Variants in CRB2 observed in about 807,000 individuals in gnomAD.
The protein encoded by CRB2 is protein crumbs homolog 2.
Under a neutral mutation model 110.9 loss-of-function variants are expected in CRB2, and 85 were observed. The ratio of observed to expected loss-of-function variants is 0.77; its 90% CI spans 0.64 to 0.92. The LOEUF (loss-of-function observed/expected upper bound fraction) is 0.92, where lower values mean the gene tolerates loss of function less well. Among genes scored for constraint, CRB2 ranks in the 40% least tolerant of loss-of-function variants. The pLI, the probability that CRB2 is intolerant of heterozygous loss-of-function variation, is 0.00. For missense variants in CRB2, 1,843 were observed against 1,851.3 expected (o/e 1.00, Z 0.08); for synonymous variants, 907 against 831.0 (o/e 1.09, Z -1.57).
In CRB2 at chr9:123,373,781, C is replaced by A; in HGVS notation, c.3250C>A (p.Pro1084Thr). Residue 1084 changes from proline to threonine, a missense_variant, in exon 10 of 13, where the codon CCG becomes ACG. By Grantham distance (38) the Pro-to-Thr change is conservative. Transcript: ENST00000373631. ...CGACGCCTTTGCCTGCGCCTGCGGC[C>A]CGGGGTGGGAAGGCCCGCGCTGCGA... is the stretch of plus-strand genomic sequence containing the variant. ...LFDAFACACG[P>T]GWEGPRCEAH... 1 of 1,590,952 alleles carries A rather than the reference C, an allele frequency of 6.3e-7. No homozygotes were observed. Among genetic ancestry groups the A allele is most frequent in the Admixed American group, 1.7e-5 (1 of 59,488 alleles).
chr9:123,371,459 G>A lies in CRB2; in HGVS notation c.2317G>A (p.Asp773Asn), dbSNP rs1043719019. 8 of 1,612,980 alleles carry A rather than the reference G, an allele frequency of 5.0e-6. No homozygotes were observed. Among genetic ancestry groups the A allele is most frequent in the South Asian group, 2.2e-5 (2 of 91,086 alleles). Residue 773 changes from aspartate to asparagine, a missense_variant, in exon 8 of 13, where the codon GAT (aspartate) becomes AAT (asparagine). By Grantham distance (23) the Asp-to-Asn change is conservative. Coordinates refer to ENST00000373631, the MANE Select transcript of CRB2 (RefSeq NM_173689.7). ...AGGCTGCCTCCAGGACCTGCGACTCGATGGCTGCCACCTCCCCTTCTTTCC... is the reference window on the plus strand; with the variant it reads ...AGGCTGCCTCCAGGACCTGCGACTCAATGGCTGCCACCTCCCCTTCTTTCC... ...FRGCLQDLRL[D>N]GCHLPFFPLP...
intron 1 of CRB2, among the ~76,000 whole-genome samples, chr9:123,360,280 G>A (rs2041852627): frequency 1.3e-5 from 2 of 152,142 alleles, no homozygotes; most frequent in African/African-American, 4.8e-5. Context: ...GCAGGTCGAA[G>A]GGGAGGGGCG....
chr9:123,380,300 AAG>A (rs998755133), downstream of CRB2: 7 of 152,682 alleles, frequency 4.6e-5, no homozygotes, highest in African/African-American at 1.4e-4. Context: ...AAAAAGGAAA[AAG>A]AAAGATAATA....
intron 12 of CRB2, 101 bp from the exon 13 acceptor site, chr9:123,376,737 T>A: frequency 4.4e-6 from 5 of 1,146,932 alleles, no homozygotes; most frequent in Non-Finnish European, 6.1e-6. Context: ...CAGCTCTGAT[T>A]TTCTCTGAGT....
At chr9:123,355,917 C>G (rs1258585392), upstream of CRB2, among the ~76,000 whole-genome samples, 3 of 151,952 alleles carry the variant, frequency 2.0e-5, no homozygotes, top group Non-Finnish European at 2.9e-5. Context: ...GAGTCCTGAA[C>G]AGCCCCCTCT....
Position 123,367,222 on chromosome 9 carries a change from C to T in CRB2, c.805C>T (p.Pro269Ser), listed in dbSNP as rs748154967. The T allele has an allele frequency of 7.5e-6, 12 of 1,600,776 alleles. No homozygotes were observed. The highest frequency in any genetic ancestry group is 2.2e-5 in the South Asian group (2 of 90,376). Residue 269 changes from proline to serine, a missense_variant, in exon 5 of 13, where the codon CCC becomes TCC. Physicochemically the swap from Pro to Ser is moderately conservative, Grantham distance 74 (BLOSUM62 -1). Transcript: ENST00000373631. ...EVDEDECASS[P>S]CQHGGRCLQR... ...GGACGAGGACGAGTGTGCATCGAGC[C>T]CCTGCCAGCATGGGGGCCGATGCCT...
intron 1 of CRB2, among the ~76,000 whole-genome samples, chr9:123,361,139 G>C (rs28678030): frequency 1.4e-4 from 15 of 110,834 alleles, no homozygotes; most frequent in East Asian, 1.1e-3. Flanking sequence ...GGGCGGGGAG[G>C]GGGGGGGGTT....
At chr9:123,379,433 G>T (rs956710078), downstream of CRB2, among the ~76,000 whole-genome samples, 1 of 152,208 alleles carries the variant, frequency 6.6e-6, no homozygotes, top group Non-Finnish European at 1.5e-5. Flanking sequence ...GGCTGAGCAG[G>T]CCTGTTGCCA....
At position 123,371,314 on chromosome 9, in the gene CRB2, G is replaced by C; in HGVS notation, c.2172G>C (p.Gly724=). ...TGCTCCCTGGGCGCTGGGATGATGG[G>C]CTCCGTCACCTGGTGATGCTCAGCT... ...AVVLPGRWDD[G]LRHLVMLSFG... The change falls in exon 8 of 13, where the codon GGG becomes GGC. Residue 724 remains glycine (G), a synonymous_variant. Coordinates refer to ENST00000373631, the MANE Select transcript of CRB2 (RefSeq NM_173689.7). 1 of 1,611,218 alleles carries C rather than the reference G, an allele frequency of 6.2e-7. No individual in the cohort carries two copies. Among genetic ancestry groups the C allele is most frequent in the South Asian group, 1.1e-5 (1 of 90,786 alleles).
At chr9:123,372,423 T>G in intron 9 of CRB2, 81 bp downstream of exon 9, 1 of 1,490,882 alleles carries the variant, frequency 6.7e-7, no homozygotes, top group Non-Finnish European at 9.0e-7. Context: ...TCTCAGGGCT[T>G]GTAGGATACT....
In CRB2 at chr9:123,373,198, A is replaced by T; in HGVS notation, c.2667A>T (p.Ser889=). 1 of 1,514,018 alleles carries T rather than the reference A, an allele frequency of 6.6e-7. No homozygotes were observed. Among genetic ancestry groups the T allele is most frequent in the Non-Finnish European group, 8.8e-7 (1 of 1,137,670 alleles). 93.8% of individuals were successfully genotyped at this position (1,514,018 alleles called of 1,614,324 possible). ...CGTTCAGCGGGCACAACGCGTCGTC[A>T]GGGCGCTTGCTCGGCGGCCTGTCGC... ...PAAFSGHNAS[S]GRLLGGLSLA... is the part of the protein sequence containing the mutation. Residue 889 remains serine (S), a synonymous_variant, in exon 10 of 13, where the codon TCA becomes TCT. Coordinates refer to ENST00000373631, the MANE Select transcript of CRB2 (RefSeq NM_173689.7).
Position 123,372,457 on chromosome 9 carries a change from T to C in CRB2, c.2602+115T>C, listed in dbSNP as rs1227979164. The C allele has an allele frequency of 2.2e-6, 3 of 1,368,238 alleles. No homozygotes were observed. In the East Asian group the frequency reaches 7.2e-5, roughly 33 times the overall value. The allele number at this position is 1,368,238 out of a possible 1,614,324, so 84.8% of individuals were successfully genotyped here. A position where few individuals can be genotyped will look rare whatever the true frequency, so the allele number is the denominator to read the frequency against. ...CTGGTGGACCAGGCATGCCAAGCCCTAGGGCAGTGTGGCGGGGCCACCGCA... is the reference window on the plus strand; with the variant it reads ...CTGGTGGACCAGGCATGCCAAGCCCCAGGGCAGTGTGGCGGGGCCACCGCA... On this transcript the variant is annotated intron_variant, in intron 9 of 12. Coordinates refer to ENST00000373631, the MANE Select transcript of CRB2 (RefSeq NM_173689.7).
chr9:123,371,314 G>A lies in CRB2; in HGVS notation c.2172G>A (p.Gly724=), dbSNP rs1161389895. 6.2e-7 allele frequency: 1 copy of A among 1,611,100 alleles called. No homozygotes were observed. Among genetic ancestry groups the A allele is most frequent in the Non-Finnish European group, 8.5e-7 (1 of 1,178,282 alleles). ...TGCTCCCTGGGCGCTGGGATGATGGGCTCCGTCACCTGGTGATGCTCAGCT... is the reference window on the plus strand; with the variant it reads ...TGCTCCCTGGGCGCTGGGATGATGGACTCCGTCACCTGGTGATGCTCAGCT... The part of the protein sequence containing the change: ...AVVLPGRWDD[G]LRHLVMLSFG... The change falls in exon 8 of 13, where the codon GGG becomes GGA. Residue 724 remains glycine, a synonymous_variant. Transcript: ENST00000373631.
chr9:123,354,090 T>C (rs552708667), upstream of CRB2, among the ~76,000 whole-genome samples: 7 of 152,160 alleles, frequency 4.6e-5, no homozygotes, highest in Non-Finnish European at 8.8e-5. Flanking sequence ...GTCAAGATGG[T>C]GTGCCCTTGT....
At position 123,373,370 on chromosome 9, in the gene CRB2, C is replaced by T; in HGVS notation, c.2839C>T (p.Pro947Ser). ...CCTGCCCGGCGCTGTGCTGCCCATA[C>T]CGGGGCCGCGCGTGGCCGATGGTGC... ...HGLPGAVLPI[P>S]GPRVADGAWH... Residue 947 changes from proline to serine, a missense_variant, in exon 10 of 13, where the codon CCG (proline) becomes TCG (serine). By Grantham distance (74) the Pro-to-Ser change is moderately conservative. Coordinates refer to ENST00000373631, the MANE Select transcript of CRB2 (RefSeq NM_173689.7). 4 of 1,433,288 alleles carry T rather than the reference C, an allele frequency of 2.8e-6. No individual in the cohort carries two copies. The highest frequency in any genetic ancestry group is 3.6e-6 in the Non-Finnish European group (4 of 1,100,196). 88.8% of individuals were successfully genotyped at this position (1,433,288 alleles called of 1,614,324 possible).
intron 1 of CRB2, among the ~76,000 whole-genome samples, chr9:123,361,412 G>T (rs1004074157): frequency 6.6e-6 from 1 of 152,224 alleles, no homozygotes; most frequent in Non-Finnish European, 1.5e-5. Context: ...TTTCCTGGGG[G>T]AGCTGGAAGG....
intron 4 of CRB2, among the ~76,000 whole-genome samples, chr9:123,366,871 A>C (rs1278013095): frequency 1.3e-5 from 2 of 151,584 alleles, no homozygotes; most frequent in Admixed American, 6.6e-5. Context: ...GAATCGCTTG[A>C]ACCTGGGAGG....
chr9:123,375,547 C>T lies in CRB2; in HGVS notation c.3633+204C>T, dbSNP rs116168371. On this transcript the variant is annotated intron_variant, in intron 12 of 12. Coordinates refer to ENST00000373631, the MANE Select transcript of CRB2 (RefSeq NM_173689.7). ...CAGGGAGAGCTTTGGGGGCTGTCAC[C>T]GTCTATTGACAAGAGCACAAAGCTC... Among the ~76,000 whole-genome samples the T allele has an allele frequency of 4.6e-3, 699 of 152,292 alleles. 6 individuals are homozygous for T. The highest frequency in any genetic ancestry group is 0.016 in the African/African-American group (659 of 41,566).
rs1483945229 is a variant in CRB2, at chr9:123,373,568, T to C, written c.3037T>C (p.Cys1013Arg). Residue 1013 changes from cysteine to arginine, a missense_variant, in exon 10 of 13, where the codon TGC (cysteine) becomes CGC (arginine). By Grantham distance (180) the Cys-to-Arg change is radical. Transcript: ENST00000373631. The stretch of plus-strand genomic sequence containing the variant: ...CCTGCTGGCTGAGAACTTCACCGGC[T>C]GCTTGGGCCGCGTGGCGCTGGGCGG... ...RILLAENFTG[C>R]LGRVALGGLP... is the part of the protein sequence containing the mutation. 7.5e-6 allele frequency: 11 copies of C among 1,466,234 alleles called. No individual in the cohort carries two copies. Among genetic ancestry groups the C allele is most frequent in the African/African-American group, 1.5e-5 (1 of 68,648 alleles). 90.8% of individuals were successfully genotyped at this position (1,466,234 alleles called of 1,614,324 possible).
Sources: gnomAD v4.1 joint callset for allele counts (sites outside exome capture counted in the v4.1 genomes callset) on GRCh38, gnomAD v4.1.1 for gene constraint, MANE v1.5 for transcripts, NCBI Gene and HGNC (gene_info 2026-07-23, HGNC 2026-07-21) for gene names.